UCP2: variants seen among roughly 807,000 people sequenced by gnomAD.
UCP2 encodes uncoupling protein 2.
UCP2 carries 27 observed loss-of-function variants against 31.3 expected under a neutral mutation model. That is an observed-to-expected ratio of 0.86 (90% CI 0.64 to 1.19). The LOEUF (loss-of-function observed/expected upper bound fraction) is 1.19. Among genes scored for constraint, UCP2 ranks in the 50% most tolerant of loss-of-function variants. The pLI, the probability that UCP2 is intolerant of heterozygous loss-of-function variation, is 0.00. For missense variants in UCP2, 377 were observed against 413.5 expected, an observed-to-expected ratio of 0.91 and a Z score of 0.76; for synonymous variants, 142 against 157.4, an observed-to-expected ratio of 0.90 and a Z score of 0.73.
At chr11:73,975,953 C>A (rs1351185432) in intron 6 of UCP2, among the ~76,000 whole-genome samples, 1 of 152,090 alleles carries the variant, frequency 6.6e-6, no homozygotes, top group Non-Finnish European at 1.5e-5. Flanking sequence ...TCAGCCCCAG[C>A]TACTCAGGAG....
rs1951481319 is a variant in UCP2, at chr11:73,982,757, T to C, written c.-293A>G. The C allele has an allele frequency of 6.6e-6, 1 of 152,624 alleles. No homozygotes were observed. The allele number at this position is 152,624 out of a possible 1,614,324, so 9.5% of individuals were successfully genotyped here. On this transcript the variant is annotated 5_prime_UTR_variant, in exon 1 of 8. Coordinates refer to ENST00000663595, the MANE Select transcript of UCP2 (RefSeq NM_003355.3). ...GAGAACACGGCAGTGCGTGCGGCTG[T>C]GTCTGTCGGCTGGCGGAGGGCGCGT...
At chr11:73,978,118 G>T (rs760365876) in intron 3 of UCP2, 22 bp from the exon 4 acceptor site, 2 of 1,613,884 alleles carry the variant, frequency 1.2e-6, no homozygotes, top group Admixed American at 1.7e-5. Context: ...AGACAGGGTA[G>T]CTACAGGGAT....
At chr11:73,981,351 A>G in intron 2 of UCP2, 125 bp downstream of exon 2, 1 of 152,154 alleles carries the variant, frequency 6.6e-6, no homozygotes, top group East Asian at 1.9e-4. Context: ...TGTGAACTGG[A>G]AAGAGCCACT....
Position 73,976,628 on chromosome 11 carries a change from C to A in UCP2, c.634+13G>T. ...GAAGGGTGAGACCCAGCACCGTCTACCTCATGACTCACCTGTCATGAGGTT... is the reference window on the plus strand; with the variant it reads ...GAAGGGTGAGACCCAGCACCGTCTAACTCATGACTCACCTGTCATGAGGTT... On this transcript the variant is annotated intron_variant, in intron 6 of 7. Coordinates refer to ENST00000663595, the MANE Select transcript of UCP2 (RefSeq NM_003355.3). 2 of 1,609,824 alleles carry A rather than the reference C, an allele frequency of 1.2e-6. No individual in the cohort carries two copies. Among genetic ancestry groups the A allele is most frequent in the Non-Finnish European group, 1.7e-6 (2 of 1,176,234 alleles).
rs780151844 is a variant in UCP2 at position 73,975,656 on chromosome 11, T to A, written c.650A>T (p.His217Leu). 13 of 1,614,080 alleles carry A rather than the reference T, an allele frequency of 8.1e-6. No individual in the cohort carries two copies. The highest frequency in any genetic ancestry group is 1.1e-5 in the Non-Finnish European group (13 of 1,180,052). ...ANLMTDDLPC[H>L]FTSAFGAGFC... ...GCCTGCCCCAAAGGCAGAAGTGAAG[T>A]GGCAAGGGAGGTCATCTGCCAAGGA... is the stretch of plus-strand genomic sequence containing the variant. Residue 217 changes from histidine to leucine, a missense_variant, in exon 7 of 8, where the codon CAC (histidine) becomes CTC (leucine). Transcript: ENST00000663595.
Position 73,978,044 on chromosome 11 carries a change from C to T in UCP2, c.179G>A (p.Arg60His), listed in dbSNP as rs767300915. 2.3e-5 allele frequency: 37 copies of T among 1,614,076 alleles called. No homozygotes were observed. Among genetic ancestry groups the T allele is most frequent in the Middle Eastern group, 1.6e-4 (1 of 6,084 alleles). Residue 60 changes from arginine to histidine, a missense_variant, in exon 4 of 8, where the codon CGC (arginine) becomes CAC (histidine). Arg to His is a conservative substitution (Grantham distance 29). Coordinates refer to ENST00000663595, the MANE Select transcript of UCP2 (RefSeq NM_003355.3). ...PVRATASAQY[R>H]GVMGTILTMV... ...GGTCAGAATGGTGCCCATCACACCG[C>T]GGTACTGGGCGCTGGCTGTAGCGCG... is the stretch of plus-strand genomic sequence containing the variant.
rs45462496 is a variant in UCP2 at position 73,977,052 on chromosome 11, C to T, written c.338-35G>A. The stretch of plus-strand genomic sequence containing the variant: ...AGCCATGGGGTCAGTGGCCAGCGGG[C>T]TTGCACTCATTTTCTACCTCATCTC... On this transcript the variant is annotated intron_variant, in intron 4 of 7. Coordinates refer to ENST00000663595, the MANE Select transcript of UCP2 (RefSeq NM_003355.3). The T allele has an allele frequency of 1.4e-3, 2,224 of 1,567,734 alleles. 28 individuals are homozygous for T. The African/African-American group carries it at 0.025, about 18-fold the overall frequency.
In UCP2 at chr11:73,975,506, C is replaced by G. The variant is rs753260142; in HGVS notation, c.800G>C (p.Arg267Pro). ...ALTMLQKEGP[R>P]AFYKGFMPSF... Reference sequence around the variant, plus strand: ...AGAGGCTCACCCTTTGTAGAAGGCTCGGGGCCCCTCCTTCTGGAGCATGGT... The same window carrying G: ...AGAGGCTCACCCTTTGTAGAAGGCTGGGGGCCCCTCCTTCTGGAGCATGGT... The change falls in exon 7 of 8, where the codon CGA (arginine) becomes CCA (proline). Residue 267 changes from arginine to proline, a missense_variant. By Grantham distance (103) the Arg-to-Pro change is moderately radical. Transcript: ENST00000663595. The G allele has an allele frequency of 6.2e-7, 1 of 1,610,722 alleles. No individual in the cohort carries two copies.
At chr11:73,979,500 C>T (rs539526523) in intron 2 of UCP2, among the ~76,000 whole-genome samples, 1 of 151,986 alleles carries the variant, frequency 6.6e-6, no homozygotes, top group African/African-American at 2.4e-5. Context: ...TAGCTGAGAT[C>T]GTGCCACTGC....
intron 2 of UCP2, among the ~76,000 whole-genome samples, chr11:73,980,505 C>T (rs1226224755): frequency 6.6e-6 from 1 of 152,128 alleles, no homozygotes; most frequent in African/African-American, 2.4e-5. Flanking sequence ...GATGAAGGTG[C>T]CCTCGGACTC....
At position 73,976,804 on chromosome 11, in the gene UCP2, G is replaced by C; in HGVS notation, c.532+19C>G. 1 of 1,614,244 alleles carries C rather than the reference G, an allele frequency of 6.2e-7. No homozygotes were observed. Among genetic ancestry groups the C allele is most frequent in the Non-Finnish European group, 8.5e-7 (1 of 1,180,038 alleles). ...ATCGGGGAGGAGGAAAAGGGGAAGG[G>C]AAAACAACTGGTACACACCTTTCCA... On this transcript the variant is annotated intron_variant, in intron 5 of 7. Transcript: ENST00000663595.
At chr11:73,977,075 C>A in intron 4 of UCP2, 58 bp from the exon 5 acceptor site, 1 of 1,520,914 alleles carries the variant, frequency 6.6e-7, no homozygotes, top group South Asian at 1.3e-5. Context: ...TCTACCTCAT[C>A]TCTCCTCACC....
chr11:73,977,151 CA>C (rs1321751791), intron 4 of UCP2, 134 bp from the exon 5 acceptor site: 1 of 900,034 alleles, frequency 1.1e-6, no homozygotes, highest in African/African-American at 1.7e-5. Context: ...TGGCCTTCTA[CA>C]AGCTCTTGCT....
chr11:73,983,190 C>T (rs1254401600), upstream of UCP2: 1 of 152,416 alleles, frequency 6.6e-6, no homozygotes, highest in Non-Finnish European at 1.5e-5. Context: ...CCTTCCCAGC[C>T]AGGACGGTTT....
At position 73,975,673 on chromosome 11, in the gene UCP2, T is replaced by C; in HGVS notation, c.635-2A>G. ...AAGTGAAGTGGCAAGGGAGGTCATC[T>C]GCCAAGGAGGAGCAGGCAAGGCAGT... On this transcript the variant is annotated splice_acceptor_variant, in intron 6 of 7. Coordinates refer to ENST00000663595, the MANE Select transcript of UCP2 (RefSeq NM_003355.3). LOFTEE classifies it high-confidence loss of function. 6.2e-7 allele frequency: 1 copy of C among 1,613,684 alleles called. No individual in the cohort carries two copies. The highest frequency in any genetic ancestry group is 8.5e-7 in the Non-Finnish European group (1 of 1,179,502).
At chr11:73,979,926 C>T (rs1388749080) in intron 2 of UCP2, 1 of 152,142 alleles carries the variant, frequency 6.6e-6, no homozygotes, top group Non-Finnish European at 1.5e-5. Context: ...TTAGACTCCT[C>T]CTGGCCTACC....
rs767426239 is a variant in UCP2 at position 73,978,454 on chromosome 11, G to A, written c.-76C>T. On this transcript the variant is annotated 5_prime_UTR_variant, in exon 3 of 8. Coordinates refer to ENST00000663595, the MANE Select transcript of UCP2 (RefSeq NM_003355.3). ...GGGCACCTTTAATCAGCAACAAGAC[G>A]AGATAGAGGAACTCTGCCGGAATCT... 35 of 1,594,954 alleles carry A rather than the reference G, an allele frequency of 2.2e-5. No homozygotes were observed. Among genetic ancestry groups the A allele is most frequent in the Admixed American group, 1.2e-4 (7 of 58,882 alleles).
intron 2 of UCP2, 93 bp from the exon 3 acceptor site, chr11:73,978,570 G>GT (rs748866912): frequency 1.6e-5 from 12 of 772,594 alleles, no homozygotes; most frequent in Non-Finnish European, 2.5e-5. Context: ...ATAGAACCAA[G>GT]TCCCTCAGCA....
chr11:73,980,626 G>C (rs1951436143), intron 2 of UCP2: 4 of 152,192 alleles, frequency 2.6e-5, no homozygotes, highest in Admixed American at 2.0e-4. Context: ...GCCCTGCAAG[G>C]TGGCTGCCCT....
Sources: allele counts gnomAD v4.1 joint callset (sites outside exome capture counted in the v4.1 genomes callset), GRCh38; gene constraint gnomAD v4.1.1; transcripts MANE v1.5; gene names NCBI Gene and HGNC (gene_info 2026-07-23, HGNC 2026-07-21).